Variants in MYL4 observed in about 807,000 individuals in gnomAD.
MYL4 encodes myosin light chain 4, also known as atrial myosin light chain 1.
Under a neutral mutation model 21.6 loss-of-function variants are expected in MYL4, and 16 were observed. The ratio of observed to expected loss-of-function variants is 0.74; its 90% CI spans 0.50 to 1.12. The LOEUF is 1.12. MYL4 is among the 50% of genes most tolerant of loss of function. The pLI, the probability that MYL4 is intolerant of heterozygous loss-of-function variation, is 0.00. For synonymous variants in MYL4, 82 were observed against 95.7 expected (o/e 0.86, Z 0.83); for missense variants, 249 against 252.9 (o/e 0.98, Z 0.11).
At position 47,219,884 on chromosome 17, in the gene MYL4, G is replaced by C. The variant is rs934835262; in HGVS notation, c.164-20G>C. On this transcript the variant is annotated intron_variant, in intron 2 of 6. Transcript: ENST00000393450. Reference sequence around the variant, plus strand: ...CCTTCACTGGGGATTGGAAGGTATAGCTGGGTCTTCTCTCCACAGAGTTCA... The same window carrying C: ...CCTTCACTGGGGATTGGAAGGTATACCTGGGTCTTCTCTCCACAGAGTTCA... 6.2e-7 allele frequency: 1 copy of C among 1,614,228 alleles called. No individual in the cohort carries two copies. Among genetic ancestry groups the C allele is most frequent in the African/African-American group, 1.3e-5 (1 of 75,066 alleles).
Position 47,221,856 on chromosome 17 carries a change from G to T in MYL4, c.487+1G>T. On this transcript the variant is annotated splice_donor_variant, in intron 4 of 6. Coordinates refer to ENST00000393450, the MANE Select transcript of MYL4 (RefSeq NM_002476.2). LOFTEE classifies it high-confidence loss of function. ...CTTCGGCACGTCCTTGCCACCCTGG[G>T]TATGCCAGCTGGGCAGAGATGAAGA... The T allele has an allele frequency of 6.2e-7, 1 of 1,612,092 alleles. No homozygotes were observed.
At chr17:47,190,146 A>G in the MYL4 span, among the ~76,000 whole-genome samples, 3 of 152,116 alleles carry the variant, frequency 2.0e-5, no homozygotes, top group African/African-American at 7.2e-5. Context: ...AGAAATTTTT[A>G]TTTTTGATAG....
chr17:47,195,457 G>A (rs1362961671), upstream of MYL4, among the ~76,000 whole-genome samples: 3 of 152,068 alleles, frequency 2.0e-5, no homozygotes, highest in African/African-American at 7.2e-5. Flanking sequence ...TCGAACTCCC[G>A]ACTTCAGGTG....
At chr17:47,193,712 TTTCC>T in the MYL4 span, among the ~76,000 whole-genome samples, 2,293 of 151,888 alleles carry the variant, frequency 0.015, 19 homozygotes, top group Middle Eastern at 0.027. Flanking sequence ...TCTTTCTTTC[TTTCC>T]TTCCTTCCTT....
At chr17:47,212,669 G>C (rs999036832) in intron 1 of MYL4, among the ~76,000 whole-genome samples, 1 of 152,266 alleles carries the variant, frequency 6.6e-6, no homozygotes, top group Non-Finnish European at 1.5e-5. Context: ...AAGCAGAAAT[G>C]AGAGCAAAAT....
chr17:47,194,906 A>G, the MYL4 span, among the ~76,000 whole-genome samples: 1 of 151,802 alleles, frequency 6.6e-6, no homozygotes, highest in Admixed American at 6.6e-5. Flanking sequence ...ACGCCTGGCT[A>G]TTTTTTGTAT....
intron 3 of MYL4, 24 bp downstream of exon 3, chr17:47,220,077 C>T (rs1476923911): frequency 1.3e-6 from 2 of 1,592,042 alleles, no homozygotes; most frequent in African/African-American, 1.3e-5. Context: ...CATGGCAGAC[C>T]TCTCCCAGGG....
chr17:47,201,026 G>T (rs1490351742), intron 1 of MYL4, among the ~76,000 whole-genome samples: 2 of 152,120 alleles, frequency 1.3e-5, no homozygotes, highest in Non-Finnish European at 2.9e-5. Flanking sequence ...ACAAAAATTA[G>T]CTGGGCATGG....
chr17:47,222,945 A>G (rs899780156), intron 5 of MYL4, 69 bp from the exon 6 acceptor site: 2 of 1,584,614 alleles, frequency 1.3e-6, no homozygotes, highest in African/African-American at 2.7e-5. Context: ...CAGTGTAGAG[A>G]AGGGACAAGT....
intron 1 of MYL4, among the ~76,000 whole-genome samples, chr17:47,210,913 C>T (rs569255009): frequency 6.6e-6 from 1 of 152,288 alleles, no homozygotes; most frequent in African/African-American, 2.4e-5. Flanking sequence ...CCTTCAGGAT[C>T]CCTCCTCGCC....
At chr17:47,221,952 A>G in intron 4 of MYL4, 97 bp downstream of exon 4, 1 of 1,370,310 alleles carries the variant, frequency 7.3e-7, no homozygotes, top group Non-Finnish European at 9.9e-7. Flanking sequence ...GGTGGTATAC[A>G]AGGGTCTTTG....
In MYL4 at chr17:47,221,795, G is replaced by A; in HGVS notation, c.427G>A (p.Asp143Asn). Residue 143 changes from aspartate to asparagine, a missense_variant, in exon 4 of 7, where the codon GAC (aspartate) becomes AAC (asparagine). Asp to Asn is a conservative substitution (Grantham distance 23). Coordinates refer to ENST00000393450, the MANE Select transcript of MYL4 (RefSeq NM_002476.2). Reference protein sequence around the residue: ...EDFVEGLRVFDKESNGTVMGA... With the variant: ...EDFVEGLRVFNKESNGTVMGA... ...CTTCGTGGAGGGCCTGCGTGTCTTTGACAAGGAGAGCAATGGCACGGTCAT... is the reference window on the plus strand; with the variant it reads ...CTTCGTGGAGGGCCTGCGTGTCTTTAACAAGGAGAGCAATGGCACGGTCAT... The A allele has an allele frequency of 6.2e-7, 1 of 1,614,130 alleles. No individual in the cohort carries two copies. The highest frequency in any genetic ancestry group is 8.5e-7 in the Non-Finnish European group (1 of 1,180,004).
At chr17:47,209,717 G>A in intron 1 of MYL4, 160 bp downstream of exon 1, 1 of 1,030,058 alleles carries the variant, frequency 9.7e-7, no homozygotes, top group Non-Finnish European at 1.5e-6. Context: ...TGGGTGTTGG[G>A]GCTGATGAGG....
In MYL4 at chr17:47,209,533, T is replaced by C. The variant is rs1291745764; in HGVS notation, c.111T>C (p.Pro37=). 6.2e-7 allele frequency: 1 copy of C among 1,614,206 alleles called. No individual in the cohort carries two copies. Among genetic ancestry groups the C allele is most frequent in the South Asian group, 1.1e-5 (1 of 91,084 alleles). ...PAPAPEAPKE[P]AFDPKSVKID... ...CAGCTCCTGAGGCTCCCAAGGAACCTGCCTTTGACCCCAAGAGTGTAAAGG... is the reference window on the plus strand; with the variant it reads ...CAGCTCCTGAGGCTCCCAAGGAACCCGCCTTTGACCCCAAGAGTGTAAAGG... Residue 37 remains proline, a synonymous_variant, in exon 1 of 7, where the codon CCT becomes CCC. Coordinates refer to ENST00000393450, the MANE Select transcript of MYL4 (RefSeq NM_002476.2).
upstream of MYL4, among the ~76,000 whole-genome samples, chr17:47,196,435 T>G (rs2064689327): frequency 6.6e-6 from 1 of 152,210 alleles, no homozygotes; most frequent in Non-Finnish European, 1.5e-5. Context: ...TATAATTGAT[T>G]ATTCTGTTTA....
chr17:47,196,605 T>C (rs533658429), upstream of MYL4, among the ~76,000 whole-genome samples: 70 of 152,336 alleles, frequency 4.6e-4, no homozygotes, highest in African/African-American at 1.3e-3. Context: ...TACATTTCCC[T>C]TACTCTTTGA....
At position 47,200,820 on chromosome 17, in the gene MYL4, A is replaced by G. The variant is rs2064706592; in HGVS notation, c.-35+234A>G. Among the ~76,000 whole-genome samples, 6 of 152,352 alleles carry G rather than the reference A, an allele frequency of 3.9e-5. No individual in the cohort carries two copies. In the South Asian group the frequency reaches 1.2e-3, roughly 32 times the overall value. Reference sequence around the variant, plus strand: ...TTAAACAATTGAGTGATGAGGCTGAACATATAGCATTCTCCACCTATGCTA... The same window carrying G: ...TTAAACAATTGAGTGATGAGGCTGAGCATATAGCATTCTCCACCTATGCTA... On this transcript the variant is annotated intron_variant and NMD_transcript_variant, in intron 1 of 6. Transcript: ENST00000571981.
the MYL4 span, among the ~76,000 whole-genome samples, chr17:47,194,402 G>A: frequency 6.6e-6 from 1 of 152,142 alleles, no homozygotes; most frequent in Non-Finnish European, 1.5e-5. Context: ...TTATCTACTG[G>A]TTTCAGTAAG....
chr17:47,210,058 G>A (rs978320632), intron 1 of MYL4, among the ~76,000 whole-genome samples: 5 of 152,184 alleles, frequency 3.3e-5, no homozygotes, highest in African/African-American at 4.8e-5. Context: ...CACTCTTACG[G>A]CAGGTGAGGG....
Sources: gnomAD v4.1 joint callset for allele counts (sites outside exome capture counted in the v4.1 genomes callset) on GRCh38, gnomAD v4.1.1 for gene constraint, MANE v1.5 for transcripts, NCBI Gene and HGNC (gene_info 2026-07-23, HGNC 2026-07-21) for gene names.